Variants in SMYD5 observed in about 807,000 individuals in gnomAD.
SMYD5 encodes SMYD family member 5, also known as protein-lysine N-trimethyltransferase SMYD5.
A neutral mutation model predicts 57.4 loss-of-function variants in SMYD5; 35 were observed. The ratio of observed to expected loss-of-function variants is 0.61; its 90% CI spans 0.47 to 0.81. SMYD5 has a LOEUF of 0.81. Among genes scored for constraint, SMYD5 ranks in the 30% least tolerant of loss-of-function variants. The pLI, the probability that SMYD5 is intolerant of heterozygous loss-of-function variation, is 0.00. For missense variants in SMYD5, 471 were observed against 527.9 expected, an observed-to-expected ratio of 0.89 and a Z score of 1.06; for synonymous variants, 198 against 189.7, an observed-to-expected ratio of 1.04 and a Z score of -0.36.
chr2:73,225,915 C>G lies in SMYD5; in HGVS notation c.1226C>G (p.Ala409Gly). The G allele has an allele frequency of 6.2e-7, 1 of 1,614,072 alleles. No individual in the cohort carries two copies. The highest frequency in any genetic ancestry group is 8.5e-7 in the Non-Finnish European group (1 of 1,179,936). The part of the protein sequence containing the change: ...EEEEEGEPED[A>G]ELGDEMTDV Reference sequence around the variant, plus strand: ...GAGGAGGAAGGAGAGCCAGAAGATGCAGAGCTGGGGGATGAGATGACTGAT... The same window carrying G: ...GAGGAGGAAGGAGAGCCAGAAGATGGAGAGCTGGGGGATGAGATGACTGAT... The change falls in exon 13 of 13, where the codon GCA becomes GGA. Residue 409 changes from alanine (A) to glycine (G), a missense_variant. Ala to Gly is a moderately conservative substitution (Grantham distance 60). Transcript: ENST00000389501.
At chr2:73,225,000 G>A in intron 11 of SMYD5, 40 bp downstream of exon 11, 1 of 1,232,068 alleles carries the variant, frequency 8.1e-7, no homozygotes, top group Non-Finnish European at 1.2e-6. Context: ...GTGGGCAGTA[G>A]GCCTTGGAAG....
chr2:73,223,598 A>G, intron 9 of SMYD5, 66 bp downstream of exon 9: 1 of 1,104,828 alleles, frequency 9.1e-7, no homozygotes, highest in Non-Finnish European at 1.4e-6. Context: ...GGTGGACACA[A>G]AGTCTTTCCC....
chr2:73,225,670 C>T lies in SMYD5; in HGVS notation c.1075C>T (p.Arg359Cys), dbSNP rs1442396486. ...ISYLDCCQRE[R>C]SRHSRHKILR... is the part of the protein sequence containing the mutation. ...CTACTTGGACTGCTGTCAGCGGGAG[C>T]GCAGCCGCCACAGCCGCCACAAGAT... Residue 359 changes from arginine to cysteine, a missense_variant, in exon 12 of 13, where the codon CGC becomes TGC. Physicochemically the swap from Arg to Cys is radical, Grantham distance 180. Coordinates refer to ENST00000389501, the MANE Select transcript of SMYD5 (RefSeq NM_006062.3). 2.2e-5 allele frequency: 36 copies of T among 1,614,020 alleles called. No individual in the cohort carries two copies. Among genetic ancestry groups the T allele is most frequent in the Admixed American group, 3.3e-5 (2 of 60,006 alleles).
intron 1 of SMYD5, chr2:73,214,667 G>T: frequency 6.9e-7 from 1 of 1,455,962 alleles, no homozygotes; most frequent in Admixed American, 2.1e-5. Flanking sequence ...TGTATCCCTG[G>T]AACGGTGGGC....
At position 73,225,606 on chromosome 2, in the gene SMYD5, C is replaced by T. The variant is rs200088476; in HGVS notation, c.1036-25C>T. 1.9e-6 allele frequency: 3 copies of T among 1,609,024 alleles called. No homozygotes were observed. The East Asian group carries it at 6.7e-5, about 36-fold the overall frequency. On this transcript the variant is annotated intron_variant, in intron 11 of 12. Transcript: ENST00000389501. ...TGCCATTTAAAAGAGCACAGACCAT[C>T]AGACTGCACTTCTCTGCCCTACAGG...
rs762073275 is a variant in SMYD5 at position 73,219,983 on chromosome 2, AGG to A, written c.206-66_206-65del. On this transcript the variant is annotated intron_variant, in intron 2 of 12. Coordinates refer to ENST00000389501, the MANE Select transcript of SMYD5 (RefSeq NM_006062.3). ...GCCTGGCACATAGCAGCTGCTCTGT[AGG>A]GCTGTGAAAGGGATAGATGTGGCCT... The A allele has an allele frequency of 1.9e-5, 31 of 1,597,812 alleles. No homozygotes were observed. The African/African-American group carries it at 3.9e-4, about 20-fold the overall frequency.
At chr2:73,224,045 G>A (rs1558553344) in intron 10 of SMYD5, 42 bp downstream of exon 10, 1 of 1,592,990 alleles carries the variant, frequency 6.3e-7, no homozygotes, top group East Asian at 2.2e-5. Flanking sequence ...AGGCGCTTCT[G>A]CCTTTGCCAG....
In SMYD5 at chr2:73,221,846, G is replaced by A; in HGVS notation, c.558G>A (p.Trp186Ter). ...TGCAGGCGAAGGACAAGGACCGTTGGATCAGACTCTTTTCCCAGTTTTGTA... is the reference window on the plus strand; with the variant it reads ...TGCAGGCGAAGGACAAGGACCGTTGAATCAGACTCTTTTCCCAGTTTTGTA... ...TVKQAKDKDR[W>*]IRLFSQFCNK... Residue 186 changes from tryptophan to a stop codon, truncating the protein, a stop_gained, in exon 6 of 13, where the codon TGG becomes TGA. Coordinates refer to ENST00000389501, the MANE Select transcript of SMYD5 (RefSeq NM_006062.3). LOFTEE classifies it high-confidence loss of function. 1 of 1,613,830 alleles carries A rather than the reference G, an allele frequency of 6.2e-7. No homozygotes were observed.
chr2:73,223,679 C>T, intron 9 of SMYD5, 147 bp downstream of exon 9: 1 of 684,070 alleles, frequency 1.5e-6, no homozygotes, highest in Non-Finnish European at 2.6e-6. Context: ...GATCTGTCCA[C>T]AGGGCACACA....
chr2:73,219,035 T>A, intron 2 of SMYD5, 66 bp downstream of exon 2: 2 of 1,161,568 alleles, frequency 1.7e-6, no homozygotes, highest in East Asian at 2.3e-5. Context: ...GCTGCATACA[T>A]CCCTACTGGC....
At chr2:73,220,586 T>G (rs912328477) in intron 3 of SMYD5, 75 bp from the exon 4 acceptor site, 3 of 1,557,568 alleles carry the variant, frequency 1.9e-6, no homozygotes, top group Non-Finnish European at 2.7e-6. Flanking sequence ...AGGGGCTATT[T>G]GTGGAAGGAA....
Position 73,221,819 on chromosome 2 carries a change from A to G in SMYD5, c.538-7A>G. Reference sequence around the variant, plus strand: ...CTGTGACCCTTAAGTATGTTTGTTCACTGCAGGCGAAGGACAAGGACCGTT... The same window carrying G: ...CTGTGACCCTTAAGTATGTTTGTTCGCTGCAGGCGAAGGACAAGGACCGTT... On this transcript the variant is annotated splice_polypyrimidine_tract_variant and splice_region_variant and intron_variant, in intron 5 of 12. Coordinates refer to ENST00000389501, the MANE Select transcript of SMYD5 (RefSeq NM_006062.3). 4 of 1,605,348 alleles carry G rather than the reference A, an allele frequency of 2.5e-6. No homozygotes were observed. The highest frequency in any genetic ancestry group is 3.4e-6 in the Non-Finnish European group (4 of 1,172,058).
At chr2:73,224,783 A>G in intron 10 of SMYD5, 83 bp from the exon 11 acceptor site, 1 of 1,094,582 alleles carries the variant, frequency 9.1e-7, no homozygotes, top group East Asian at 2.4e-5. Flanking sequence ...ATGAACGAGC[A>G]AGAAAGGACC....
intron 1 of SMYD5, chr2:73,214,779 C>A (rs1464907361): frequency 2.3e-5 from 30 of 1,313,592 alleles, no homozygotes; most frequent in Non-Finnish European, 3.0e-5. Flanking sequence ...GGCCAAGATC[C>A]TTCACGAGGG....
In SMYD5 at chr2:73,225,671, GCAGCCGCCA is replaced by G. The variant is rs1188813251; in HGVS notation, c.1088_1096del (p.Ser363_His365del). The G allele has an allele frequency of 9.9e-6, 16 of 1,614,152 alleles. No homozygotes were observed. Among genetic ancestry groups the G allele is most frequent in the Admixed American group, 5.0e-5 (3 of 60,010 alleles). On this transcript the variant is annotated inframe_deletion, in exon 12 of 13. Coordinates refer to ENST00000389501, the MANE Select transcript of SMYD5 (RefSeq NM_006062.3). ...TACTTGGACTGCTGTCAGCGGGAGCGCAGCCGCCACAGCCGCCACAAGATCCTCAGGTGC... is the reference window on the plus strand; with the variant it reads ...TACTTGGACTGCTGTCAGCGGGAGCGCAGCCGCCACAAGATCCTCAGGTGC...
chr2:73,214,300 T>G lies in SMYD5; in HGVS notation c.34T>G (p.Cys12Gly). The G allele has an allele frequency of 6.2e-7, 1 of 1,613,710 alleles. No homozygotes were observed. Among genetic ancestry groups the G allele is most frequent in the South Asian group, 1.1e-5 (1 of 91,050 alleles). Residue 12 changes from cysteine (C) to glycine (G), a missense_variant, in exon 1 of 13, where the codon TGC becomes GGC. Coordinates refer to ENST00000389501, the MANE Select transcript of SMYD5 (RefSeq NM_006062.3). Reference protein sequence around the residue: ...AASMCDVFSFCVGVAGRARVS... With the variant: ...AASMCDVFSFGVGVAGRARVS... ...CTCCATGTGCGACGTGTTCTCCTTC[T>G]GCGTGGGCGTGGCGGGCCGCGCGCG...
In SMYD5 at chr2:73,226,228, C is replaced by T. The variant is rs1686501041; in HGVS notation, c.*282C>T. 1 of 465,196 alleles carries T rather than the reference C, an allele frequency of 2.1e-6. No homozygotes were observed. Among genetic ancestry groups the T allele is most frequent in the African/African-American group, 1.9e-5 (1 of 51,802 alleles). The allele number at this position is 465,196 out of a possible 1,614,324, so 28.8% of individuals were successfully genotyped here. On this transcript the variant is annotated 3_prime_UTR_variant, in exon 13 of 13. Transcript: ENST00000389501. ...TTCCTCCACTCTAGGGTTTGAGGGG[C>T]TGGAATCAGGGCCAGGGCCTAACAG...
chr2:73,221,860 C>T lies in SMYD5; in HGVS notation c.572C>T (p.Ser191Phe), dbSNP rs1405941287. 1.2e-6 allele frequency: 2 copies of T among 1,614,006 alleles called. No individual in the cohort carries two copies. Among genetic ancestry groups the T allele is most frequent in the East Asian group, 2.2e-5 (1 of 44,882 alleles). ...KDKDRWIRLF[S>F]QFCNKTANEE... ...AAGGACCGTTGGATCAGACTCTTTT[C>T]CCAGTTTTGTAACAAAACAGCCAAT... Residue 191 changes from serine (S) to phenylalanine (F), a missense_variant, in exon 6 of 13, where the codon TCC becomes TTC. Coordinates refer to ENST00000389501, the MANE Select transcript of SMYD5 (RefSeq NM_006062.3).
At chr2:73,214,688 C>A in intron 1 of SMYD5, 1 of 1,410,806 alleles carries the variant, frequency 7.1e-7, no homozygotes, top group Non-Finnish European at 9.4e-7. Flanking sequence ...GGGGATGTGC[C>A]GGGCAGAGAG....
Sources: gnomAD v4.1 joint callset for allele counts on GRCh38, gnomAD v4.1.1 for gene constraint, MANE v1.5 for transcripts, NCBI Gene and HGNC (gene_info 2026-07-23, HGNC 2026-07-21) for gene names.